The following SALL1 variants were observed in gnomAD, a reference collection of about 807,000 sequenced individuals.
SALL1 encodes the protein sal-like protein 1.
SALL1 carries 10 observed loss-of-function variants against 73.1 expected under a neutral mutation model. The observed-to-expected ratio is 0.14, with a 90% confidence interval of 0.08 to 0.23. The LOEUF is 0.23. SALL1 is among the 10% of genes least tolerant of loss of function. SALL1 has a pLI of 1.00. For synonymous variants in SALL1, 688 were observed against 689.8 expected, an observed-to-expected ratio of 1.00 and a Z score of 0.04; for missense variants, 1,520 against 1,697.3, an observed-to-expected ratio of 0.90 and a Z score of 1.84.
chr16:51,145,979 CT>C (rs372735955), intron 1 of SALL1, among the ~76,000 whole-genome samples: 30,659 of 128,720 alleles, frequency 0.24, 3,020 homozygotes, highest in East Asian at 0.34. Context: ...ATTGATTGGT[CT>C]TTTTTTTTTT....
rs1177782700 is a variant in SALL1, at chr16:51,139,905, T to C, written c.2317A>G (p.Lys773Glu). 6.2e-7 allele frequency: 1 copy of C among 1,614,036 alleles called. No individual in the cohort carries two copies. The highest frequency in any genetic ancestry group is 1.3e-5 in the African/African-American group (1 of 74,908). Reference protein sequence around the residue: ...RVQHSCPICQKKFTNAVVLQQ... With the variant: ...RVQHSCPICQEKFTNAVVLQQ... The stretch of plus-strand genomic sequence containing the variant: ...AGGACCACAGCGTTCGTGAACTTCT[T>C]CTGGCAGATGGGGCAGGAATGCTGG... Residue 773 changes from lysine (K) to glutamate (E), a missense_variant, in exon 2 of 3, where the codon AAG (lysine) becomes GAG (glutamate). Physicochemically the swap from Lys to Glu is moderately conservative, Grantham distance 56. Coordinates refer to ENST00000251020, the MANE Select transcript of SALL1 (RefSeq NM_002968.3).
chr16:51,151,163 C>A lies in SALL1; in HGVS notation c.76+3G>T. 1 of 1,594,002 alleles carries A rather than the reference C, an allele frequency of 6.3e-7. No individual in the cohort carries two copies. The highest frequency in any genetic ancestry group is 8.5e-7 in the Non-Finnish European group (1 of 1,172,830). On this transcript the variant is annotated splice_donor_region_variant and intron_variant, in intron 1 of 2. Coordinates refer to ENST00000251020, the MANE Select transcript of SALL1 (RefSeq NM_002968.3). ...TGTCCACGGCGCGGGCCGGAGCACT[C>A]ACCATCTCGCCGGGGGAGCGAGGCC...
In SALL1 at chr16:51,141,967, G is replaced by A; in HGVS notation, c.255C>T (p.Phe85=). 6.2e-7 allele frequency: 1 copy of A among 1,613,868 alleles called. No individual in the cohort carries two copies. Among genetic ancestry groups the A allele is most frequent in the South Asian group, 1.1e-5 (1 of 91,066 alleles). The change falls in exon 2 of 3, where the codon TTC becomes TTT. Residue 85 remains phenylalanine, a synonymous_variant. Transcript: ENST00000251020. This position sits in a 1 kb window ranked among gnomAD's most constrained non-coding sequence, Gnocchi z 5.4. ...GATTATCAGGAGGGGGGCTGGGGGA[G>A]AAGGTTTCGGGTGGGGAGGCTGGAT... ...NENPASPPET[F]SPSPPPDNPD... is the part of the protein sequence containing the mutation.
In SALL1 at chr16:51,139,429, C is replaced by T. The variant is rs147312225; in HGVS notation, c.2793G>A (p.Pro931=). The part of the protein sequence containing the change: ...ESTSSMQALS[P]SNSTQEFHKS... ...TGTGGAACTCCTGCGTGCTGTTGGA[C>T]GGGGACAGAGCCTGCATGGAAGAGG... Residue 931 remains proline, a synonymous_variant, in exon 2 of 3, where the codon CCG becomes CCA. Transcript: ENST00000251020. 5.7e-5 allele frequency: 92 copies of T among 1,613,930 alleles called. No individual in the cohort carries two copies. Among genetic ancestry groups the T allele is most frequent in the African/African-American group, 2.8e-4 (21 of 74,902 alleles).
At chr16:51,151,653 C>G (rs1274056668), upstream of SALL1, among the ~76,000 whole-genome samples, 3 of 151,350 alleles carry the variant, frequency 2.0e-5, no homozygotes, top group Non-Finnish European at 4.4e-5. Flanking sequence ...GCCCGGCCGC[C>G]GGGGGCCGGC....
intron 1 of SALL1, among the ~76,000 whole-genome samples, chr16:51,145,377 G>A (rs1226948262): frequency 6.6e-6 from 1 of 152,014 alleles, no homozygotes; most frequent in African/African-American, 2.4e-5. Context: ...TTGTACTATG[G>A]TGAAAATAAC....
intron 1 of SALL1, among the ~76,000 whole-genome samples, chr16:51,147,780 A>AACACACATACACAC (rs1962539758): frequency 6.8e-6 from 1 of 146,204 alleles, no homozygotes; most frequent in Non-Finnish European, 1.5e-5. Flanking sequence ...GAAGAACTCC[A>AACACACATACACAC]ACACACACAC....
Position 51,139,341 on chromosome 16 carries a change from A to T in SALL1, c.2881T>A (p.Ser961Thr). 1 of 1,614,056 alleles carries T rather than the reference A, an allele frequency of 6.2e-7. No homozygotes were observed. Among genetic ancestry groups the T allele is most frequent in the Non-Finnish European group, 8.5e-7 (1 of 1,180,006 alleles). The change falls in exon 2 of 3, where the codon TCT becomes ACT. Residue 961 changes from serine to threonine, a missense_variant. By Grantham distance (58) the Ser-to-Thr change is moderately conservative. This residue lies in a region of SALL1 where 266 missense variants were observed against 275.1 expected (regional missense o/e 0.97). Coordinates refer to ENST00000251020, the MANE Select transcript of SALL1 (RefSeq NM_002968.3). The part of the protein sequence containing the change: ...AVPSEFANGL[S>T]PTPVNGGALD... ...GCCCCACCATTCACTGGGGTGGGAG[A>T]CAAACCATTGGCAAACTCGCTTGGG...
intron 1 of SALL1, 33 bp from the exon 2 acceptor site, chr16:51,142,178 A>C: frequency 6.6e-7 from 1 of 1,524,304 alleles, no homozygotes; most frequent in Non-Finnish European, 9.1e-7. Flanking sequence ...GGATTAGAAA[A>C]GGGGCCAGGA....
In SALL1 at chr16:51,138,723, A is replaced by C; in HGVS notation, c.3499T>G (p.Cys1167Gly). Residue 1167 changes from cysteine (C) to glycine (G), a missense_variant, in exon 2 of 3, where the codon TGT becomes GGT. This residue lies in a region of SALL1 where 318 missense variants were observed against 357.1 expected (regional missense o/e 0.89). Transcript: ENST00000251020. ...TGEKPFACTI[C>G]GRAFTTKGNL... is the part of the protein sequence containing the mutation. ...CCTTTAGTCGTGAAAGCTCTTCCAC[A>C]AATAGTGCAAGCAAAGGGTTTCTCT... The C allele has an allele frequency of 6.2e-7, 1 of 1,614,150 alleles. No individual in the cohort carries two copies. The highest frequency in any genetic ancestry group is 8.5e-7 in the Non-Finnish European group (1 of 1,179,992).
At position 51,141,165 on chromosome 16, in the gene SALL1, A is replaced by G. The variant is rs1224204348; in HGVS notation, c.1057T>C (p.Ser353Pro). The stretch of plus-strand genomic sequence containing the variant: ...CCAGCACTTGAAGCCACTTTTTCAG[A>G]GGACGGGGTGGTAACTGCCGCTGCC... ...ILAAAVTTPS[S>P]EKVASSAGAS... Residue 353 changes from serine to proline, a missense_variant, in exon 2 of 3, where the codon TCT (serine) becomes CCT (proline). Ser to Pro is a moderately conservative substitution (Grantham distance 74). Around this residue, in one of 7 missense-constraint regions of SALL1, gnomAD observed 540 missense variants for 567.5 expected, o/e 0.95. Transcript: ENST00000251020. The surrounding 1 kb of genome is among the most constrained non-coding windows in gnomAD (Gnocchi z 5.4). 1 of 1,614,220 alleles carries G rather than the reference A, an allele frequency of 6.2e-7. No homozygotes were observed. Among genetic ancestry groups the G allele is most frequent in the Admixed American group, 1.7e-5 (1 of 60,030 alleles).
Position 51,141,832 on chromosome 16 carries a change from C to A in SALL1, c.390G>T (p.Pro130=). ...TGCCGCTGCCGCTTTTGTTAGCAAC[C>A]GGGGCCTCCACCTCCATGGACTCTT... ...DREESMEVEA[P]VANKSGSGTS... The change falls in exon 2 of 3, where the codon CCG becomes CCT. Residue 130 remains proline, a synonymous_variant. Coordinates refer to ENST00000251020, the MANE Select transcript of SALL1 (RefSeq NM_002968.3). The surrounding 1 kb of genome is among the most constrained non-coding windows in gnomAD (Gnocchi z 5.4). The A allele has an allele frequency of 1.9e-6, 3 of 1,613,812 alleles. No individual in the cohort carries two copies. Among genetic ancestry groups the A allele is most frequent in the Non-Finnish European group, 2.5e-6 (3 of 1,180,004 alleles).
Position 51,136,055 on chromosome 16 carries a change from G to C in SALL1, c.*1057C>G, listed in dbSNP as rs1030238623. ...ATTACAGTATCTCTGTTGTTAGTAA[G>C]TATTAAATGTTAAAGAAATTGGACC... On this transcript the variant is annotated 3_prime_UTR_variant, in exon 3 of 3. Coordinates refer to ENST00000251020, the MANE Select transcript of SALL1 (RefSeq NM_002968.3). 1 of 152,556 alleles carries C rather than the reference G, an allele frequency of 6.6e-6. No homozygotes were observed. Among genetic ancestry groups the C allele is most frequent in the Non-Finnish European group, 1.5e-5 (1 of 68,030 alleles). 9.5% of individuals were successfully genotyped at this position (152,556 alleles called of 1,614,324 possible).
chr16:51,138,634 A>G lies in SALL1; in HGVS notation c.3534+54T>C, dbSNP rs753365259. ...TGGGGGCATGCATTATAGATAATCA[A>G]TGGCAGTGGGACAGGGTTGATGGAG... On this transcript the variant is annotated intron_variant, in intron 2 of 2. Coordinates refer to ENST00000251020, the MANE Select transcript of SALL1 (RefSeq NM_002968.3). The G allele has an allele frequency of 1.9e-6, 3 of 1,571,446 alleles. No homozygotes were observed. In the East Asian group the frequency reaches 6.7e-5, roughly 35 times the overall value.
chr16:51,143,996 C>T (rs1447520878), intron 1 of SALL1, among the ~76,000 whole-genome samples: 1 of 147,030 alleles, frequency 6.8e-6, no homozygotes, highest in Non-Finnish European at 1.5e-5. Flanking sequence ...TTCCTATGCA[C>T]ATGGAAGGTG....
chr16:51,149,660 T>G (rs1962567428), intron 1 of SALL1: 1 of 152,116 alleles, frequency 6.6e-6, no homozygotes, highest in African/African-American at 2.4e-5. Context: ...TTAATTAATT[T>G]CAAGTCCTCC....
At position 51,141,919 on chromosome 16, in the gene SALL1, T is replaced by C. The variant is rs1962446087; in HGVS notation, c.303A>G (p.Thr101=). The C allele has an allele frequency of 4.3e-6, 7 of 1,613,644 alleles. No homozygotes were observed. In the Admixed American group the frequency reaches 8.3e-5, roughly 19 times the overall value. ...PDNPDEQMND[T]VNKTDQVDCS... The stretch of plus-strand genomic sequence containing the variant: ...AGTCCACTTGATCTGTTTTGTTAAC[T>C]GTGTCATTCATTTGTTCATCAGGAT... Residue 101 remains threonine (T), a synonymous_variant, in exon 2 of 3, where the codon ACA becomes ACG. Coordinates refer to ENST00000251020, the MANE Select transcript of SALL1 (RefSeq NM_002968.3). The surrounding 1 kb of genome is among the most constrained non-coding windows in gnomAD (Gnocchi z 5.4).
Position 51,136,961 on chromosome 16 carries a change from A to G in SALL1, c.*151T>C. 1 of 682,678 alleles carries G rather than the reference A, an allele frequency of 1.5e-6. No individual in the cohort carries two copies. The allele number at this position is 682,678 out of a possible 1,614,324, so 42.3% of individuals were successfully genotyped here. Reference sequence around the variant, plus strand: ...CTTTCTTAGAACTCTAAAGTTGAACAAGGTACAAAAGAATGTCTTCATAAT... The same window carrying G: ...CTTTCTTAGAACTCTAAAGTTGAACGAGGTACAAAAGAATGTCTTCATAAT... On this transcript the variant is annotated 3_prime_UTR_variant, in exon 3 of 3. Transcript: ENST00000251020.
In SALL1 at chr16:51,151,154, C is replaced by A; in HGVS notation, c.76+12G>T. 1 of 1,587,232 alleles carries A rather than the reference C, an allele frequency of 6.3e-7. No homozygotes were observed. The highest frequency in any genetic ancestry group is 8.6e-7 in the Non-Finnish European group (1 of 1,169,524). ...GTGTGTGTGTGTCCACGGCGCGGGCCGGAGCACTCACCATCTCGCCGGGGG... is the reference window on the plus strand; with the variant it reads ...GTGTGTGTGTGTCCACGGCGCGGGCAGGAGCACTCACCATCTCGCCGGGGG... On this transcript the variant is annotated intron_variant, in intron 1 of 2. Transcript: ENST00000251020.
Sources: allele counts gnomAD v4.1 joint callset (sites outside exome capture counted in the v4.1 genomes callset), GRCh38; gene constraint gnomAD v4.1.1; regional missense constraint gnomAD v4.1.1; non-coding constraint Gnocchi (gnomAD v3.1); transcripts MANE v1.5; gene names NCBI Gene and HGNC (gene_info 2026-07-23, HGNC 2026-07-21).